ZNF75D: variants seen among roughly 807,000 people sequenced by gnomAD.
The protein encoded by ZNF75D is zinc finger protein 75.
A neutral mutation model predicts 33.3 loss-of-function variants in ZNF75D; 33 were observed. That is an observed-to-expected ratio of 0.99 (90% confidence interval 0.75 to 1.32). The LOEUF (loss-of-function observed/expected upper bound fraction) is 1.32. ZNF75D is among the 40% of genes most tolerant of loss of function. The probability of loss-of-function intolerance (pLI) is 0.00; values close to 1 mark genes in which losing one functional copy is unlikely to be tolerated. For missense variants in ZNF75D, 338 were observed against 367.5 expected, an observed-to-expected ratio of 0.92 and a Z score of 0.66; for synonymous variants, 113 against 130.6, an observed-to-expected ratio of 0.87 and a Z score of 0.92.
intron 1 of ZNF75D, among the ~76,000 whole-genome samples, chrX:135,272,820 C>T (rs1156307592): frequency 9.0e-6 from 1 of 111,423 alleles, no homozygotes; most frequent in Non-Finnish European, 1.9e-5. Flanking sequence ...TAGTAAATGA[C>T]TTTGTAACTT....
At chrX:135,277,747 C>A (rs1439700908) in intron 1 of ZNF75D, among the ~76,000 whole-genome samples, 1 of 112,141 alleles carries the variant, frequency 8.9e-6, no homozygotes, top group Non-Finnish European at 1.9e-5. Context: ...AATAAGGAAT[C>A]CTTTCCCCAT....
At position 135,286,918 on chromosome X, in the gene ZNF75D, T is replaced by C; in HGVS notation, c.*219A>G. ...CTAAAGGAATCTCATCACTACACTT[T>C]CATTTTTTTATTTATAAAGTACTCC... is the stretch of plus-strand genomic sequence containing the variant. On this transcript the variant is annotated 3_prime_UTR_variant, in exon 7 of 7. Coordinates refer to ENST00000370766, the MANE Select transcript of ZNF75D (RefSeq NM_007131.5). 1 of 401,978 alleles carries C rather than the reference T, an allele frequency of 2.5e-6. No individual in the cohort carries two copies. The highest frequency in any genetic ancestry group is 4.2e-6 in the Non-Finnish European group (1 of 236,029). 33.1% of individuals were successfully genotyped at this position (401,978 alleles called of 1,213,427 possible).
At chrX:135,333,234 G>C (rs1380786094) in intron 1 of ZNF75D, among the ~76,000 whole-genome samples, 2 of 111,427 alleles carry the variant, frequency 1.8e-5, no homozygotes, top group African/African-American at 6.5e-5. Context: ...CAGGACCGGA[G>C]GCTGATTGGA....
At chrX:135,273,538 C>T (rs1556417238) in intron 1 of ZNF75D, among the ~76,000 whole-genome samples, 1 of 110,893 alleles carries the variant, frequency 9.0e-6, no homozygotes, top group East Asian at 2.8e-4. Flanking sequence ...CATAAGGATG[C>T]TAAAAGTCAG....
intron 1 of ZNF75D, among the ~76,000 whole-genome samples, chrX:135,305,810 G>C (rs967851461): frequency 1.8e-5 from 2 of 111,646 alleles, no homozygotes; most frequent in Non-Finnish European, 3.8e-5. Flanking sequence ...GGAGTAGCTA[G>C]AGTTCATCTG....
intron 1 of ZNF75D, among the ~76,000 whole-genome samples, chrX:135,277,797 T>C (rs2083904932): frequency 8.9e-6 from 1 of 111,938 alleles, no homozygotes; most frequent in Admixed American, 9.5e-5. Flanking sequence ...CAGATGGTTG[T>C]AGATGTGTGG....
intron 1 of ZNF75D, among the ~76,000 whole-genome samples, chrX:135,270,541 C>T (rs1216005130): frequency 8.2e-5 from 9 of 109,137 alleles, no homozygotes; most frequent in Non-Finnish European, 1.3e-4. Context: ...GATGTGTACC[C>T]GGTGAAATAA....
At chrX:135,297,039 C>T (rs2084140505) in intron 1 of ZNF75D, 1 of 112,098 alleles carries the variant, frequency 8.9e-6, no homozygotes, top group Non-Finnish European at 1.9e-5. Context: ...TCAGTATTCT[C>T]CAAGTTTTCA....
At chrX:135,291,314 G>T in intron 5 of ZNF75D, 158 bp downstream of exon 5, 1 of 794,121 alleles carries the variant, frequency 1.3e-6, no homozygotes, top group Non-Finnish European at 1.8e-6. Flanking sequence ...CCTGGGAGGT[G>T]CCCAGTTCCC....
intron 1 of ZNF75D, among the ~76,000 whole-genome samples, chrX:135,266,272 T>C (rs932806879): frequency 8.9e-6 from 1 of 111,903 alleles, no homozygotes; most frequent in East Asian, 2.8e-4. Context: ...TAAGTTCCTA[T>C]TTATCAATAA....
At chrX:135,322,217 G>A (rs962486062) in intron 1 of ZNF75D, among the ~76,000 whole-genome samples, 4 of 111,852 alleles carry the variant, frequency 3.6e-5, no homozygotes, top group African/African-American at 6.5e-5. Context: ...TCTGCAGGAC[G>A]GACCCCCGCA....
chrX:135,312,328 G>T (rs2084368243), intron 1 of ZNF75D, among the ~76,000 whole-genome samples: 1 of 111,081 alleles, frequency 9.0e-6, no homozygotes, highest in South Asian at 3.8e-4. Flanking sequence ...ATGGATTGCG[G>T]AATTTTTTAT....
chrX:135,334,169 C>T (rs1014885424), intron 1 of ZNF75D, among the ~76,000 whole-genome samples: 5 of 111,639 alleles, frequency 4.5e-5, no homozygotes, highest in South Asian at 3.8e-4. Context: ...GCTATTTTGG[C>T]GGAAAGGAAA....
At chrX:135,261,444 G>A (rs782376550) in intron 1 of ZNF75D, among the ~76,000 whole-genome samples, 6 of 111,784 alleles carry the variant, frequency 5.4e-5, no homozygotes, top group African/African-American at 2.0e-4. Context: ...TCTCTTTGCA[G>A]GTCTCTAAGG....
At chrX:135,336,089 A>G (rs2084707929) in intron 1 of ZNF75D, among the ~76,000 whole-genome samples, 1 of 112,226 alleles carries the variant, frequency 8.9e-6, no homozygotes, top group African/African-American at 3.2e-5. Context: ...GATAGTATTA[A>G]GAAGTGGAGC....
At chrX:135,262,858 TGGA>T (rs1393157167) in intron 1 of ZNF75D, among the ~76,000 whole-genome samples, 1 of 112,705 alleles carries the variant, frequency 8.9e-6, no homozygotes, top group Non-Finnish European at 1.9e-5. Flanking sequence ...TGCCATCCTT[TGGA>T]GGAGAAGAGG....
At chrX:135,305,803 G>A (rs782375338) in intron 1 of ZNF75D, among the ~76,000 whole-genome samples, 2 of 111,659 alleles carry the variant, frequency 1.8e-5, no homozygotes, top group African/African-American at 3.3e-5. Flanking sequence ...TCAAAGGGGA[G>A]TAGCTAGAGT....
intron 1 of ZNF75D, among the ~76,000 whole-genome samples, chrX:135,328,564 G>A (rs1556438790): frequency 8.9e-6 from 1 of 111,783 alleles, no homozygotes; most frequent in Non-Finnish European, 1.9e-5. Flanking sequence ...GAAGTGCCTG[G>A]CAAGCAGACA....
At chrX:135,309,906 A>G (rs1442031019) in intron 1 of ZNF75D, among the ~76,000 whole-genome samples, 2 of 111,707 alleles carry the variant, frequency 1.8e-5, no homozygotes, top group African/African-American at 6.5e-5. Flanking sequence ...GCTCAGACAC[A>G]GAGCAGAGAG....
Sources: allele counts gnomAD v4.1 joint callset (sites outside exome capture counted in the v4.1 genomes callset), GRCh38; gene constraint gnomAD v4.1.1; transcripts MANE v1.5; gene names NCBI Gene and HGNC (gene_info 2026-07-23, HGNC 2026-07-21).